CRYM: variants seen among roughly 807,000 people sequenced by gnomAD.
The protein encoded by CRYM is ketimine reductase mu-crystallin.
In CRYM, 18 loss-of-function variants were observed where a neutral mutation model predicts 32.9. That is an observed-to-expected ratio of 0.55 (90% CI 0.38 to 0.81). The LOEUF is 0.81. CRYM is among the 30% of genes least tolerant of loss of function. The pLI is 0.00. For missense variants in CRYM, 337 were observed against 393.5 expected, an observed-to-expected ratio of 0.86 and a Z score of 1.21; for synonymous variants, 153 against 152.4, an observed-to-expected ratio of 1.00 and a Z score of -0.03.
chr16:21,260,361 A>C (rs1463891943), intron 7 of CRYM, among the ~76,000 whole-genome samples: 1 of 152,072 alleles, frequency 6.6e-6, no homozygotes, highest in Non-Finnish European at 1.5e-5. Flanking sequence ...GCTGGAGTGC[A>C]CGATGTCAGC....
chr16:21,267,472 CT>C, intron 5 of CRYM, 81 bp downstream of exon 5: 1 of 1,414,662 alleles, frequency 7.1e-7, no homozygotes. Context: ...AATAAACTGG[CT>C]CTGCAAATGT....
chr16:21,269,771 C>T lies in CRYM; in HGVS notation c.489+19G>A, dbSNP rs192305217. ...CCACCCCCTTCCCTCTTCTCTCCCA[C>T]CCCCACCCCTGGACTTACCTCCTTA... On this transcript the variant is annotated intron_variant, in intron 4 of 7. Transcript: ENST00000572914. The T allele has an allele frequency of 1.8e-6, 2 of 1,120,258 alleles. No homozygotes were observed. Among genetic ancestry groups the T allele is most frequent in the East Asian group, 2.5e-5 (1 of 40,496 alleles). The allele number at this position is 1,120,258 out of a possible 1,614,324, so 69.4% of individuals were successfully genotyped here.
At chr16:21,278,334 G>C, upstream of CRYM, 1 of 1,496,910 alleles carries the variant, frequency 6.7e-7, no homozygotes, top group Admixed American at 2.0e-5. Flanking sequence ...CGCGCCCGCT[G>C]CTCTGTGGAG....
chr16:21,265,514 C>T (rs2093362177), intron 5 of CRYM, among the ~76,000 whole-genome samples: 2 of 152,184 alleles, frequency 1.3e-5, no homozygotes, highest in Non-Finnish European at 2.9e-5. Context: ...CATCTTTAGC[C>T]AGAACGATCT....
chr16:21,261,913 C>T, intron 6 of CRYM, 124 bp downstream of exon 6: 1 of 1,180,248 alleles, frequency 8.5e-7, no homozygotes, highest in Non-Finnish European at 1.2e-6. Flanking sequence ...AGCTCCTTCC[C>T]CTACAAGGAG....
chr16:21,275,131 C>A (rs1192462657), intron 3 of CRYM, among the ~76,000 whole-genome samples: 1 of 152,144 alleles, frequency 6.6e-6, no homozygotes, highest in Non-Finnish European at 1.5e-5. Flanking sequence ...TTACCAGGGG[C>A]AATGTGGTAC....
At chr16:21,273,001 C>T (rs1030634612) in intron 3 of CRYM, among the ~76,000 whole-genome samples, 1 of 151,820 alleles carries the variant, frequency 6.6e-6, no homozygotes, top group Non-Finnish European at 1.5e-5. Context: ...ATCTTGCCTC[C>T]CCCACTGGAC....
rs140901893 is a variant in CRYM at position 21,271,089 on chromosome 16, T to A, written c.388-1198A>T. Among the ~76,000 whole-genome samples the A allele has an allele frequency of 1.8e-3, 268 of 152,340 alleles. 1 individual carries two copies. Among genetic ancestry groups the A allele is most frequent in the African/African-American group, 6.1e-3 (254 of 41,582 alleles). ...GTAGCACTGGGCTTCTCAACCTCGG[T>A]ACTACTAACATTTGGGCTGGACAAT... is the stretch of plus-strand genomic sequence containing the variant. On this transcript the variant is annotated intron_variant, in intron 3 of 7. Transcript: ENST00000572914.
chr16:21,276,448 G>A (rs1251504362), intron 2 of CRYM, among the ~76,000 whole-genome samples: 1 of 152,190 alleles, frequency 6.6e-6, no homozygotes, highest in Non-Finnish European at 1.5e-5. Context: ...AAATTCAGGG[G>A]AAAAGGAGGG....
At chr16:21,281,697 C>T (rs140011376), upstream of CRYM, among the ~76,000 whole-genome samples, 393 of 152,292 alleles carry the variant, frequency 2.6e-3, 2 homozygotes, top group African/African-American at 9.1e-3. Flanking sequence ...GGCTGACTTA[C>T]AGAGGTTGCA....
At chr16:21,293,028 AAGAT>A (rs3029354) in intron 1 of CRYM, among the ~76,000 whole-genome samples, 4,828 of 150,452 alleles carry the variant, frequency 0.032, 112 homozygotes, top group Middle Eastern at 0.068. Context: ...AAGTAGATAG[AAGAT>A]AGATAGATAG....
intron 1 of CRYM, chr16:21,283,906 G>A (rs553972508): frequency 6.5e-6 from 1 of 152,854 alleles, no homozygotes; most frequent in Non-Finnish European, 1.5e-5. Context: ...GTTGGGATGA[G>A]GAGCCCCAAC....
rs955635338 is a variant in CRYM at position 21,277,147 on chromosome 16, G to A, written c.324+284C>T. On this transcript the variant is annotated intron_variant, in intron 2 of 7. Coordinates refer to ENST00000572914, the MANE Select transcript of CRYM (RefSeq NM_001376256.1). The surrounding 1 kb of genome is among the most constrained non-coding windows in gnomAD (Gnocchi z 4.2). Reference sequence around the variant, plus strand: ...TTCAAGCTGCGTATTTGGGGCAACTGAGTATAGGACAAGGACATATGCAAG... The same window carrying A: ...TTCAAGCTGCGTATTTGGGGCAACTAAGTATAGGACAAGGACATATGCAAG... Among the ~76,000 whole-genome samples, 2 of 152,212 alleles carry A rather than the reference G, an allele frequency of 1.3e-5. No homozygotes were observed. The highest frequency in any genetic ancestry group is 4.8e-5 in the African/African-American group (2 of 41,442).
upstream of CRYM, among the ~76,000 whole-genome samples, chr16:21,282,160 C>T (rs1160625421): frequency 1.3e-5 from 2 of 152,102 alleles, no homozygotes; most frequent in Admixed American, 1.3e-4. Flanking sequence ...TGGGAGTTGC[C>T]CTGCACAAGC....
Position 21,277,349 on chromosome 16 carries a change from C to A in CRYM, c.324+82G>T. ...GGCACGCGTAGTCACAATCAAGACT[C>A]CCCCTGCTGCGGAGAACTTACTTTT... On this transcript the variant is annotated intron_variant, in intron 2 of 7. Transcript: ENST00000572914. This position sits in a 1 kb window ranked among gnomAD's most constrained non-coding sequence, Gnocchi z 4.2. 2.0e-6 allele frequency: 3 copies of A among 1,474,360 alleles called. No individual in the cohort carries two copies. The highest frequency in any genetic ancestry group is 2.8e-6 in the Non-Finnish European group (3 of 1,072,646). The allele number at this position is 1,474,360 out of a possible 1,614,324, so 91.3% of individuals were successfully genotyped here.
intron 1 of CRYM, among the ~76,000 whole-genome samples, chr16:21,299,068 G>A (rs1183900545): frequency 6.6e-6 from 1 of 152,112 alleles, no homozygotes; most frequent in African/African-American, 2.4e-5. Flanking sequence ...TGACTTTGGT[G>A]ATTTATATGT....
chr16:21,279,524 A>C (rs1175369565), upstream of CRYM, among the ~76,000 whole-genome samples: 1 of 152,242 alleles, frequency 6.6e-6, no homozygotes, highest in African/African-American at 2.4e-5. Context: ...GCTGAGGTCT[A>C]GGAGCATCAG....
chr16:21,289,656 T>G (rs1380773601), intron 1 of CRYM, among the ~76,000 whole-genome samples: 2 of 152,128 alleles, frequency 1.3e-5, no homozygotes, highest in African/African-American at 4.8e-5. Context: ...AAACTTACCC[T>G]CTACCTCCTC....
At chr16:21,288,038 G>A (rs375300086) in intron 1 of CRYM, among the ~76,000 whole-genome samples, 13 of 152,136 alleles carry the variant, frequency 8.5e-5, no homozygotes, top group African/African-American at 3.1e-4. Flanking sequence ...ATAAGCTTAA[G>A]CAACAAATGA....
Sources: gnomAD v4.1 joint callset for allele counts (sites outside exome capture counted in the v4.1 genomes callset) on GRCh38, gnomAD v4.1.1 for gene constraint, Gnocchi (gnomAD v3.1) non-coding constraint, MANE v1.5 for transcripts, NCBI Gene and HGNC (gene_info 2026-07-23, HGNC 2026-07-21) for gene names.